The following MRPL39 variants were observed in gnomAD, a reference collection of about 807,000 sequenced individuals.
MRPL39 encodes the protein large ribosomal subunit protein mL39.
Under a neutral mutation model 44.5 loss-of-function variants are expected in MRPL39, and 35 were observed. The observed-to-expected ratio is 0.79, with a 90% CI of 0.60 to 1.04. MRPL39 has a LOEUF of 1.04. Ranked by LOEUF, MRPL39 falls within the 50% of genes least tolerant of loss-of-function variation. The probability of loss-of-function intolerance (pLI) is 0.00; values close to 1 mark genes in which losing one functional copy is unlikely to be tolerated. For synonymous variants in MRPL39, 139 were observed against 136.1 expected, an observed-to-expected ratio of 1.02 and a Z score of -0.15; for missense variants, 433 against 413.5, an observed-to-expected ratio of 1.05 and a Z score of -0.41.
chr21:25,598,381 G>C (rs1039830880), intron 5 of MRPL39, among the ~76,000 whole-genome samples: 1 of 151,058 alleles, frequency 6.6e-6, no homozygotes, highest in East Asian at 1.9e-4. Context: ...CAGGAAGATT[G>C]CTTGGGCCCA....
chr21:25,587,846 T>A, intron 9 of MRPL39: 1 of 1,265,492 alleles, frequency 7.9e-7, no homozygotes, highest in Non-Finnish European at 1.2e-6. Flanking sequence ...GTTTAATGTG[T>A]GATGCTTAAT....
chr21:25,594,810 G>A (rs77671095), intron 6 of MRPL39, among the ~76,000 whole-genome samples: 3,837 of 152,116 alleles, frequency 0.025, 185 homozygotes, highest in African/African-American at 0.088. Context: ...TGTTCCACAA[G>A]CACCTTACCC....
At chr21:25,590,757 T>C (rs759280922) in intron 8 of MRPL39, among the ~76,000 whole-genome samples, 1 of 152,174 alleles carries the variant, frequency 6.6e-6, no homozygotes, top group Non-Finnish European at 1.5e-5. Context: ...GAAGACTCTG[T>C]TGACATTGAA....
rs956839018 is a variant in MRPL39, at chr21:25,597,235, C to T, written c.701+67G>A. 22 of 1,056,300 alleles carry T rather than the reference C, an allele frequency of 2.1e-5. No homozygotes were observed. In the African/African-American group the frequency reaches 2.8e-4, roughly 13 times the overall value. The allele number at this position is 1,056,300 out of a possible 1,614,324, so 65.4% of individuals were successfully genotyped here. ...TATCAAATATAAAAATTTTTAAGAC[C>T]TGAATTTTCTTTATTACATATAATA... is the stretch of plus-strand genomic sequence containing the variant. On this transcript the variant is annotated intron_variant, in intron 6 of 9. Transcript: ENST00000352957.
intron 8 of MRPL39, among the ~76,000 whole-genome samples, chr21:25,590,989 A>G (rs1203972455): frequency 6.6e-6 from 1 of 151,974 alleles, no homozygotes; most frequent in Non-Finnish European, 1.5e-5. Flanking sequence ...ATGCTCAGCT[A>G]ATTTTTAACA....
chr21:25,603,733 C>A, intron 3 of MRPL39, 63 bp downstream of exon 3: 1 of 1,479,838 alleles, frequency 6.8e-7, no homozygotes, highest in Non-Finnish European at 9.2e-7. Context: ...CCATAGAAAA[C>A]AGGTCTTAAT....
At chr21:25,590,159 T>C (rs1323086122) in intron 8 of MRPL39, among the ~76,000 whole-genome samples, 7 of 152,170 alleles carry the variant, frequency 4.6e-5, no homozygotes, top group African/African-American at 1.4e-4. Context: ...TGAGATGTTA[T>C]AAGGTGCATA....
rs2031518837 is a variant in MRPL39 at position 25,601,405 on chromosome 21, T to C, written c.483A>G (p.Glu161=). Reference sequence around the variant, plus strand: ...GAGCTCTGACCAAATTGACCATATATTCATCTTTGAATGCCCTCTCTATCA... The same window carrying C: ...GAGCTCTGACCAAATTGACCATATACTCATCTTTGAATGCCCTCTCTATCA... ...GCVIERAFKD[E]YMVNLVRAPE... The change falls in exon 4 of 10, where the codon GAA becomes GAG. Residue 161 remains glutamate (E), a synonymous_variant. Coordinates refer to ENST00000352957, the MANE Select transcript of MRPL39 (RefSeq NM_017446.4). The C allele has an allele frequency of 6.2e-7, 1 of 1,611,026 alleles. No homozygotes were observed. The highest frequency in any genetic ancestry group is 1.7e-5 in the Admixed American group (1 of 59,856).
At chr21:25,596,674 A>AT (rs35909574) in intron 6 of MRPL39, among the ~76,000 whole-genome samples, 13 of 149,278 alleles carry the variant, frequency 8.7e-5, no homozygotes, top group East Asian at 3.9e-4. Flanking sequence ...AGACTCTGTT[A>AT]TTTTTTTTTT....
intron 9 of MRPL39, chr21:25,587,906 A>T: frequency 1.3e-6 from 1 of 758,192 alleles, no homozygotes; most frequent in Non-Finnish European, 2.3e-6. Flanking sequence ...AATTAGGATA[A>T]GGAGGAAGTC....
At position 25,592,917 on chromosome 21, in the gene MRPL39, T is replaced by A. The variant is rs781494044; in HGVS notation, c.816A>T (p.Thr272=). ...ATACTTCATACTGGAAACAAATACTTGTTCTTGGAATAAGAGGGCCCTCAC... is the reference window on the plus strand; with the variant it reads ...ATACTTCATACTGGAAACAAATACTAGTTCTTGGAATAAGAGGGCCCTCAC... ...DVSEGPLIPR[T]SICFQYEVSA... The change falls in exon 8 of 10, where the codon ACA becomes ACT. Residue 272 remains threonine (T), a synonymous_variant. Transcript: ENST00000352957. 1.9e-6 allele frequency: 3 copies of A among 1,613,348 alleles called. No homozygotes were observed. The South Asian group carries it at 3.3e-5, about 18-fold the overall frequency.
In MRPL39 at chr21:25,599,798, C is replaced by T; in HGVS notation, c.588+1G>A. ...TTAATACTCCAGAAGAATACACTTA[C>T]TTTTGTTGGCATCCACTCATCAAGT... On this transcript the variant is annotated splice_donor_variant, in intron 5 of 9. Coordinates refer to ENST00000352957, the MANE Select transcript of MRPL39 (RefSeq NM_017446.4). LOFTEE classifies it high-confidence loss of function. 1.2e-6 allele frequency: 2 copies of T among 1,607,850 alleles called. No individual in the cohort carries two copies. Among genetic ancestry groups the T allele is most frequent in the Non-Finnish European group, 1.7e-6 (2 of 1,174,622 alleles).
chr21:25,588,722 T>G lies in MRPL39; in HGVS notation c.969+113A>C, dbSNP rs1027514651. The G allele has an allele frequency of 3.0e-6, 3 of 992,502 alleles. No individual in the cohort carries two copies. The African/African-American group carries it at 4.9e-5, about 16-fold the overall frequency. 61.5% of individuals were successfully genotyped at this position (992,502 alleles called of 1,614,324 possible). A position where few individuals can be genotyped will look rare whatever the true frequency, so the allele number is the denominator to read the frequency against. On this transcript the variant is annotated intron_variant, in intron 9 of 9. Coordinates refer to ENST00000352957, the MANE Select transcript of MRPL39 (RefSeq NM_017446.4). ...CACTGCTTTGACTATTGAGACAACT[T>G]ACTTTTTTCCTTTCTCTTTGTTTCT...
At chr21:25,606,068 G>GAAT (rs1038389352) in intron 2 of MRPL39, among the ~76,000 whole-genome samples, 1 of 152,146 alleles carries the variant, frequency 6.6e-6, no homozygotes, top group African/African-American at 2.4e-5. Flanking sequence ...CAGGGACAGT[G>GAAT]AATAGACAAT....
intron 6 of MRPL39, 46 bp from the exon 7 acceptor site, chr21:25,594,004 T>G: frequency 6.5e-7 from 1 of 1,535,806 alleles, no homozygotes; most frequent in Non-Finnish European, 9.0e-7. Flanking sequence ...TCAAAATATG[T>G]AAAAAGGTGT....
In MRPL39 at chr21:25,606,592, T is replaced by TCATTCCG; in HGVS notation, c.130_136dup (p.Asp46AlafsTer3). Reference sequence around the variant, plus strand: ...CCTGGCTTTCTCTTTATTAAAGAGATCATTCCGCATTTCTGTCAATTCTGT... The same window carrying TCATTCCG: ...CCTGGCTTTCTCTTTATTAAAGAGATCATTCCGCATTCCGCATTTCTGTCAATTCTGT... On this transcript the variant is annotated stop_gained and frameshift_variant, in exon 2 of 10. Transcript: ENST00000352957. LOFTEE classifies it high-confidence loss of function. 6.2e-7 allele frequency: 1 copy of TCATTCCG among 1,613,884 alleles called. No individual in the cohort carries two copies. Among genetic ancestry groups the TCATTCCG allele is most frequent in the Non-Finnish European group, 8.5e-7 (1 of 1,179,728 alleles).
intron 2 of MRPL39, among the ~76,000 whole-genome samples, chr21:25,604,750 C>T (rs930057773): frequency 6.6e-6 from 1 of 152,350 alleles, no homozygotes; most frequent in African/African-American, 2.4e-5. Flanking sequence ...TCAACCACTA[C>T]ATAAACCCCG....
At chr21:25,599,609 G>A (rs2031460754) in intron 5 of MRPL39, among the ~76,000 whole-genome samples, 190 bp downstream of exon 5, 3 of 151,988 alleles carry the variant, frequency 2.0e-5, no homozygotes, top group Non-Finnish European at 4.4e-5. Flanking sequence ...TCTTAAATAG[G>A]CTGAAAAAGC....
At chr21:25,602,941 G>A (rs919672731) in intron 3 of MRPL39, among the ~76,000 whole-genome samples, 3 of 152,068 alleles carry the variant, frequency 2.0e-5, no homozygotes, top group East Asian at 3.9e-4. Context: ...ATAATGGGGC[G>A]GTTTCCCCCA....
Sources: gnomAD v4.1 joint callset for allele counts (sites outside exome capture counted in the v4.1 genomes callset) on GRCh38, gnomAD v4.1.1 for gene constraint, MANE v1.5 for transcripts, NCBI Gene and HGNC (gene_info 2026-07-23, HGNC 2026-07-21) for gene names.